CYP7B1: variants seen among roughly 807,000 people sequenced by gnomAD.
CYP7B1 encodes cytochrome P450 family 7 subfamily B member 1.
CYP7B1 carries 29 observed loss-of-function variants against 42.7 expected under a neutral mutation model. That is an observed-to-expected ratio of 0.68 (90% CI 0.51 to 0.93). CYP7B1 has a LOEUF of 0.93. Ranked by LOEUF, CYP7B1 falls within the 40% of genes least tolerant of loss-of-function variation. The pLI is 0.00. For synonymous variants in CYP7B1, 235 were observed against 218.2 expected (o/e 1.08, Z -0.68); for missense variants, 655 against 600.5 (o/e 1.09, Z -0.95).
chr8:64,777,262 A>AT lies in CYP7B1; in HGVS notation c.122+21203dup, dbSNP rs916587088. Among the ~76,000 whole-genome samples, 171 of 151,830 alleles carry AT rather than the reference A, an allele frequency of 1.1e-3. No individual in the cohort carries two copies. In the Middle Eastern group the frequency reaches 0.027, roughly 24 times the overall value. ...GCAAAGACATGAAGGGTAAGATGGG[A>AT]TTTTTGGCATATAACATGAGCACTA... On this transcript the variant is annotated intron_variant, in intron 1 of 5. Transcript: ENST00000310193.
chr8:64,748,720 C>T (rs1175743886), intron 1 of CYP7B1, among the ~76,000 whole-genome samples: 1 of 152,182 alleles, frequency 6.6e-6, no homozygotes, highest in Admixed American at 6.5e-5. Context: ...ATTCATACAA[C>T]AAAACCCTTA....
intron 1 of CYP7B1, among the ~76,000 whole-genome samples, chr8:64,705,395 C>G (rs984477374): frequency 4.0e-5 from 6 of 151,544 alleles, no homozygotes; most frequent in African/African-American, 1.5e-4. Context: ...CTTTTTTCAA[C>G]ATAGATGTGT....
chr8:64,743,586 G>A (rs547782474), intron 1 of CYP7B1, among the ~76,000 whole-genome samples: 1 of 152,240 alleles, frequency 6.6e-6, no homozygotes, highest in African/African-American at 2.4e-5. Flanking sequence ...TCTTCTCACT[G>A]AGTCTTCACC....
intron 1 of CYP7B1, among the ~76,000 whole-genome samples, chr8:64,654,590 T>C (rs1459822128): frequency 6.6e-6 from 1 of 152,190 alleles, no homozygotes; most frequent in African/African-American, 2.4e-5. Context: ...AAAATGACCA[T>C]ATCATCCAAA....
chr8:64,785,510 GAAT>G (rs1183965125), intron 1 of CYP7B1, among the ~76,000 whole-genome samples: 3 of 152,176 alleles, frequency 2.0e-5, no homozygotes, highest in East Asian at 3.9e-4. Context: ...ATGTAATTTA[GAAT>G]AATTGAGTGA....
chr8:64,694,586 G>A (rs1459655319), intron 1 of CYP7B1, among the ~76,000 whole-genome samples: 2 of 152,142 alleles, frequency 1.3e-5, no homozygotes, highest in Non-Finnish European at 2.9e-5. Context: ...GAGAGGAAGA[G>A]CATAGAAACT....
At chr8:64,746,211 A>G (rs1807641150) in intron 1 of CYP7B1, among the ~76,000 whole-genome samples, 1 of 152,176 alleles carries the variant, frequency 6.6e-6, no homozygotes, top group Non-Finnish European at 1.5e-5. Flanking sequence ...TGGTATGGGT[A>G]GTAATTCTGC....
chr8:64,700,065 G>A (rs1585864161), intron 1 of CYP7B1, among the ~76,000 whole-genome samples: 1 of 152,290 alleles, frequency 6.6e-6, no homozygotes, highest in Non-Finnish European at 1.5e-5. Flanking sequence ...GGACAAAACT[G>A]TAGAATGTGC....
chr8:64,697,879 T>A lies in CYP7B1; in HGVS notation c.123-73340A>T, dbSNP rs539908211. ...CCAAACAAACCAAAAACAAAACCAG[T>A]TTGTGCTCTTCAGTTTTCATTTTTT... On this transcript the variant is annotated intron_variant, in intron 1 of 5. Coordinates refer to ENST00000310193, the MANE Select transcript of CYP7B1 (RefSeq NM_004820.5). 2.6e-5 allele frequency among the ~76,000 whole-genome samples: 4 copies of A among 152,234 alleles called. No individual in the cohort carries two copies. In the South Asian group the frequency reaches 8.3e-4, roughly 32 times the overall value.
intron 1 of CYP7B1, among the ~76,000 whole-genome samples, chr8:64,712,865 T>G (rs957792317): frequency 6.6e-6 from 1 of 151,986 alleles, no homozygotes; most frequent in African/African-American, 2.4e-5. Flanking sequence ...AAGAAAATGT[T>G]GTATGATTAT....
intron 1 of CYP7B1, among the ~76,000 whole-genome samples, chr8:64,669,370 A>G (rs1020760041): frequency 6.6e-6 from 1 of 152,136 alleles, no homozygotes. Flanking sequence ...CCCTCCATGT[A>G]TGTACAAAAT....
chr8:64,616,515 C>A (rs1241792803), intron 2 of CYP7B1, among the ~76,000 whole-genome samples: 2 of 152,160 alleles, frequency 1.3e-5, no homozygotes, highest in Non-Finnish European at 2.9e-5. Flanking sequence ...CTAACCTTTG[C>A]AAAGATGGTT....
intron 1 of CYP7B1, among the ~76,000 whole-genome samples, chr8:64,674,422 T>C (rs1806412874): frequency 6.6e-6 from 1 of 152,112 alleles, no homozygotes; most frequent in Non-Finnish European, 1.5e-5. Flanking sequence ...CTTGACCTTG[T>C]TGGATGTGAT....
intron 1 of CYP7B1, among the ~76,000 whole-genome samples, chr8:64,755,452 C>G (rs1353966029): frequency 6.6e-6 from 1 of 151,764 alleles, no homozygotes; most frequent in Non-Finnish European, 1.5e-5. Flanking sequence ...GGAATCTTGC[C>G]CTGATCCCCA....
intron 1 of CYP7B1, among the ~76,000 whole-genome samples, chr8:64,673,702 A>G (rs998599422): frequency 6.6e-6 from 1 of 152,076 alleles, no homozygotes; most frequent in Admixed American, 6.6e-5. Context: ...GCCACCATTG[A>G]GTTCTTAACC....
Position 64,600,322 on chromosome 8 carries a change from A to G in CYP7B1, c.1234-3393T>C, listed in dbSNP as rs553977316. On this transcript the variant is annotated intron_variant, in intron 5 of 5. Transcript: ENST00000310193. ...CCAAATACTATGTTTAGTTCAGTTC[A>G]ACAGATTTTTTTGGAGCACTTCCTG... Among the ~76,000 whole-genome samples, 251 of 152,302 alleles carry G rather than the reference A, an allele frequency of 1.6e-3. 1 individual carries two copies. The highest frequency in any genetic ancestry group is 5.7e-3 in the African/African-American group (235 of 41,582).
chr8:64,638,367 A>G (rs911507151), intron 1 of CYP7B1, among the ~76,000 whole-genome samples: 5 of 152,090 alleles, frequency 3.3e-5, no homozygotes, highest in Admixed American at 2.6e-4. Context: ...TAGTTAAATG[A>G]ATGAGATTTT....
intron 1 of CYP7B1, among the ~76,000 whole-genome samples, chr8:64,750,993 A>T (rs1042467942): frequency 6.6e-6 from 1 of 152,122 alleles, no homozygotes; most frequent in Non-Finnish European, 1.5e-5. Context: ...TTGCTGTTTA[A>T]CATCAACTTC....
At chr8:64,791,661 T>C (rs1279328502) in intron 1 of CYP7B1, among the ~76,000 whole-genome samples, 1 of 152,242 alleles carries the variant, frequency 6.6e-6, no homozygotes, top group African/African-American at 2.4e-5. Flanking sequence ...CAGGAGGACT[T>C]CTAACCTCCA....
Sources: allele counts gnomAD v4.1 joint callset (sites outside exome capture counted in the v4.1 genomes callset), GRCh38; gene constraint gnomAD v4.1.1; transcripts MANE v1.5; gene names NCBI Gene and HGNC (gene_info 2026-07-23, HGNC 2026-07-21).